The following SCN11A variants were observed in gnomAD, a reference collection of about 807,000 sequenced individuals.
SCN11A encodes the protein sodium voltage-gated channel alpha subunit 11, also known as sodium channel protein type 11 subunit alpha.
SCN11A carries 122 observed loss-of-function variants against 162.2 expected under a neutral mutation model. The ratio of observed to expected loss-of-function variants is 0.75; its 90% CI spans 0.65 to 0.87. The LOEUF is 0.87. Ranked by LOEUF, SCN11A falls within the 40% of genes least tolerant of loss-of-function variation. SCN11A has a pLI of 0.00. For synonymous variants in SCN11A, 758 were observed against 751.5 expected (o/e 1.01, Z -0.14); for missense variants, 2,015 against 2,181.6 (o/e 0.92, Z 1.52).
intron 19 of SCN11A, among the ~76,000 whole-genome samples, chr3:38,893,316 G>A (rs2065531897): frequency 6.6e-6 from 1 of 152,058 alleles, no homozygotes; most frequent in Admixed American, 6.6e-5. Flanking sequence ...GGAAGATATA[G>A]CATTTATAAA....
intron 2 of SCN11A, among the ~76,000 whole-genome samples, chr3:39,026,968 G>A (rs946136790): frequency 2.0e-5 from 3 of 152,124 alleles, no homozygotes; most frequent in Admixed American, 6.6e-5. Context: ...AGAGTCTGTC[G>A]CTCTAGATGT....
At chr3:38,901,381 C>T (rs1400330226) in intron 16 of SCN11A, among the ~76,000 whole-genome samples, 3 of 152,176 alleles carry the variant, frequency 2.0e-5, no homozygotes. Context: ...TAAAAGCATA[C>T]AGTGATGCCT....
intron 28 of SCN11A, among the ~76,000 whole-genome samples, chr3:38,854,214 G>A (rs532379292): frequency 6.6e-6 from 1 of 152,210 alleles, no homozygotes; most frequent in East Asian, 1.9e-4. Context: ...GTTCTATATT[G>A]TCTATGGCTG....
intron 16 of SCN11A, 98 bp from the exon 17 acceptor site, chr3:38,900,171 G>A (rs2065676313): frequency 1.7e-5 from 15 of 878,200 alleles, no homozygotes; most frequent in Admixed American, 1.4e-4. Context: ...GAAATGAAAA[G>A]TATTCTCATG....
At chr3:38,922,405 G>A (rs567741414) in intron 9 of SCN11A, among the ~76,000 whole-genome samples, 1 of 152,348 alleles carries the variant, frequency 6.6e-6, no homozygotes, top group East Asian at 1.9e-4. Flanking sequence ...GATGAGTGAT[G>A]ATTGTGATTC....
rs140175418 is a variant in SCN11A at position 39,000,234 on chromosome 3, G to T, written c.-280+32146C>A. On this transcript the variant is annotated intron_variant, in intron 2 of 29. Coordinates refer to ENST00000302328, the MANE Select transcript of SCN11A (RefSeq NM_001349253.2). ...GACTTGGATGGCTTAGCTTAGCTTT[G>T]TAAGAGCTGACAAGACTTAAAATCC... is the stretch of plus-strand genomic sequence containing the variant. Among the ~76,000 whole-genome samples, 186 of 152,332 alleles carry T rather than the reference G, an allele frequency of 1.2e-3. 3 individuals are homozygous for T. The highest frequency in any genetic ancestry group is 1.3e-3 in the Non-Finnish European group (88 of 68,028).
intron 5 of SCN11A, among the ~76,000 whole-genome samples, chr3:38,947,193 T>C (rs1473636837): frequency 1.3e-5 from 2 of 152,220 alleles, no homozygotes; most frequent in Non-Finnish European, 2.9e-5. Flanking sequence ...AGAAGAGAAC[T>C]TGAAGAGGCA....
At chr3:38,852,150 A>G (rs947261324) in intron 28 of SCN11A, among the ~76,000 whole-genome samples, 3 of 152,168 alleles carry the variant, frequency 2.0e-5, no homozygotes, top group Non-Finnish European at 4.4e-5. Flanking sequence ...AGTGAATTAT[A>G]TATCACTTGG....
intron 2 of SCN11A, among the ~76,000 whole-genome samples, chr3:38,976,164 T>G (rs771760094): frequency 6.6e-6 from 1 of 152,208 alleles, no homozygotes; most frequent in Non-Finnish European, 1.5e-5. Flanking sequence ...GTTTTCATAT[T>G]GGATTTAAAA....
intron 17 of SCN11A, among the ~76,000 whole-genome samples, chr3:38,899,623 C>G (rs952740313): frequency 2.0e-5 from 3 of 152,090 alleles, no homozygotes; most frequent in Non-Finnish European, 4.4e-5. Context: ...GAACAGAGTC[C>G]TCACACTGGG....
chr3:38,990,662 G>A (rs148790735), intron 2 of SCN11A, among the ~76,000 whole-genome samples: 15 of 152,236 alleles, frequency 9.9e-5, no homozygotes, highest in East Asian at 9.7e-4. Flanking sequence ...GCCAAATCCT[G>A]TGCAAGCCCT....
intron 2 of SCN11A, among the ~76,000 whole-genome samples, chr3:38,979,805 A>T (rs144156479): frequency 1.4e-3 from 216 of 152,256 alleles, no homozygotes; most frequent in African/African-American, 5.1e-3. Context: ...CACAGTCCTA[A>T]ATTCATATAT....
chr3:38,905,261 C>T lies in SCN11A; in HGVS notation c.1534G>A (p.Glu512Lys), dbSNP rs1223462894. The T allele has an allele frequency of 1.9e-6, 3 of 1,613,992 alleles. No individual in the cohort carries two copies. Among genetic ancestry groups the T allele is most frequent in the East Asian group, 2.2e-5 (1 of 44,888 alleles). ...TGCCTTTGGAGAGGATCTCCATGCT[C>T]ATCAAAGTGGTCCAGTGATAGATTC... ...SQNLSLDHFD[E>K]HGDPLQRQRA... Residue 512 changes from glutamate (E) to lysine (K), a missense_variant, in exon 15 of 30, where the codon GAG (glutamate) becomes AAG (lysine). Coordinates refer to ENST00000302328, the MANE Select transcript of SCN11A (RefSeq NM_001349253.2).
At chr3:38,973,403 T>TAC (rs35521973) in intron 2 of SCN11A, among the ~76,000 whole-genome samples, 2,062 of 148,366 alleles carry the variant, frequency 0.014, 16 homozygotes, top group African/African-American at 0.024. Flanking sequence ...GGTGTTGAGA[T>TAC]ACACACACAC....
intron 1 of SCN11A, among the ~76,000 whole-genome samples, chr3:39,033,094 A>C (rs555891063): frequency 2.5e-4 from 38 of 152,050 alleles, no homozygotes; most frequent in Admixed American, 2.2e-3. Flanking sequence ...TGGAGGTTGC[A>C]GTGAGCTGAG....
chr3:38,967,016 G>A (rs1442221827), intron 2 of SCN11A, among the ~76,000 whole-genome samples: 2 of 152,160 alleles, frequency 1.3e-5, no homozygotes, highest in South Asian at 2.1e-4. Context: ...GCCAATAAAG[G>A]GTGTGCACTT....
intron 7 of SCN11A, among the ~76,000 whole-genome samples, chr3:38,938,548 A>G (rs1413281566): frequency 1.2e-4 from 2 of 16,938 alleles, no homozygotes; most frequent in Non-Finnish European, 1.9e-4. Context: ...ATATATATAT[A>G]TATTTTTTTT....
intron 2 of SCN11A, among the ~76,000 whole-genome samples, chr3:38,986,570 C>A (rs2030253133): frequency 1.3e-5 from 2 of 152,312 alleles, no homozygotes; most frequent in South Asian, 4.1e-4. Context: ...TCAATCCAGG[C>A]TGCTAATCAG....
At chr3:38,920,357 A>G (rs1296203433) in intron 10 of SCN11A, among the ~76,000 whole-genome samples, 1 of 152,150 alleles carries the variant, frequency 6.6e-6, no homozygotes, top group Non-Finnish European at 1.5e-5. Flanking sequence ...CACATGGAGT[A>G]GGTGTAGGGT....
Sources: allele counts gnomAD v4.1 joint callset (sites outside exome capture counted in the v4.1 genomes callset), GRCh38; gene constraint gnomAD v4.1.1; transcripts MANE v1.5; gene names NCBI Gene and HGNC (gene_info 2026-07-23, HGNC 2026-07-21).